Variants in LNX1 observed in about 807,000 individuals in gnomAD.
LNX1 encodes the protein ligand of numb-protein X 1.
In LNX1, 54 loss-of-function variants were observed where a neutral mutation model predicts 68.4. That is an observed-to-expected ratio of 0.79 (90% confidence interval 0.63 to 0.99). The LOEUF (loss-of-function observed/expected upper bound fraction) is 0.99. Ranked by LOEUF, LNX1 falls within the 50% of genes least tolerant of loss-of-function variation. The pLI is 0.00. For synonymous variants in LNX1, 336 were observed against 350.0 expected (o/e 0.96, Z 0.45); for missense variants, 906 against 926.4 (o/e 0.98, Z 0.29).
chr4:53,489,870 C>G (rs1724561821), intron 6 of LNX1, among the ~76,000 whole-genome samples: 1 of 151,986 alleles, frequency 6.6e-6, no homozygotes, highest in Non-Finnish European at 1.5e-5. Flanking sequence ...GGATTTAATT[C>G]CAGATTAAGT....
intron 2 of LNX1, among the ~76,000 whole-genome samples, chr4:53,572,104 TC>T (rs1229123489): frequency 6.6e-6 from 1 of 152,152 alleles, no homozygotes; most frequent in East Asian, 1.9e-4. Flanking sequence ...ATGCCCCTCA[TC>T]CCCTTGCCCA....
chr4:53,575,809 G>A, intron 1 of LNX1: 1 of 1,585,060 alleles, frequency 6.3e-7, no homozygotes, highest in Non-Finnish European at 8.6e-7. Flanking sequence ...TCCTCCAGAG[G>A]TGGCAGCAAT....
intron 7 of LNX1, among the ~76,000 whole-genome samples, chr4:53,480,573 C>T (rs978732578): frequency 2.6e-5 from 4 of 152,150 alleles, no homozygotes; most frequent in Admixed American, 6.5e-5. Flanking sequence ...AAAGACATCA[C>T]GGAGTCCTTA....
At chr4:53,599,617 T>C (rs550248853) in intron 2 of LNX1, among the ~76,000 whole-genome samples, 1 of 152,290 alleles carries the variant, frequency 6.6e-6, no homozygotes, top group African/African-American at 2.4e-5. Context: ...GAACCCTCTC[T>C]TGGGGTCTGG....
chr4:53,531,006 A>G (rs1727979949), intron 2 of LNX1, among the ~76,000 whole-genome samples: 1 of 152,168 alleles, frequency 6.6e-6, no homozygotes. Context: ...CTCCACAAAA[A>G]ATACAAAAAA....
intron 2 of LNX1, among the ~76,000 whole-genome samples, chr4:53,615,558 C>A (rs1302327666): frequency 6.6e-6 from 1 of 152,180 alleles, no homozygotes; most frequent in Non-Finnish European, 1.5e-5. Context: ...CAATTCTGTA[C>A]ATTCTAGCTA....
Position 53,497,267 on chromosome 4 carries a change from A to G in LNX1, c.979-873T>C, listed in dbSNP as rs535829622. On this transcript the variant is annotated intron_variant, in intron 5 of 10. Coordinates refer to ENST00000263925, the MANE Select transcript of LNX1 (RefSeq NM_001126328.3). The stretch of plus-strand genomic sequence containing the variant: ...CCAGAGCCCCCTATGTTGGAAGAAA[A>G]CAATTTCGCAGCAATTGCTGCACTC... Among the ~76,000 whole-genome samples the G allele has an allele frequency of 1.9e-4, 29 of 152,308 alleles. No individual in the cohort carries two copies. In the East Asian group the frequency reaches 5.2e-3, roughly 27 times the overall value.
intron 9 of LNX1, among the ~76,000 whole-genome samples, chr4:53,463,383 T>C (rs1419392145): frequency 6.6e-6 from 1 of 151,582 alleles, no homozygotes; most frequent in African/African-American, 2.4e-5. Context: ...ACGCCTTCTT[T>C]TAGTGGTGTT....
intron 1 of LNX1, among the ~76,000 whole-genome samples, chr4:53,642,353 A>G (rs1415229590): frequency 6.6e-6 from 1 of 152,138 alleles, no homozygotes; most frequent in African/African-American, 2.4e-5. Flanking sequence ...TTTAAAATGT[A>G]TACATGCTTT....
At chr4:53,607,737 A>G (rs1577789468) in intron 2 of LNX1, among the ~76,000 whole-genome samples, 1 of 152,170 alleles carries the variant, frequency 6.6e-6, no homozygotes, top group Admixed American at 6.5e-5. Context: ...ACAAGGCCAT[A>G]ATAGCCAAAC....
chr4:53,650,168 T>C (rs571916900), intron 1 of LNX1, among the ~76,000 whole-genome samples: 1 of 152,234 alleles, frequency 6.6e-6, no homozygotes, highest in South Asian at 2.1e-4. Flanking sequence ...GACAGCTTTG[T>C]CCCCCATCAA....
At chr4:53,651,354 C>T (rs894415764) in intron 1 of LNX1, among the ~76,000 whole-genome samples, 14 of 152,330 alleles carry the variant, frequency 9.2e-5, no homozygotes, top group African/African-American at 2.9e-4. Context: ...CACGCCCTGA[C>T]ACATGACCAG....
At chr4:53,591,067 T>A (rs1234162013) in intron 1 of LNX1, among the ~76,000 whole-genome samples, 1 of 152,212 alleles carries the variant, frequency 6.6e-6, no homozygotes, top group South Asian at 2.1e-4. Context: ...GCGCTAAGTT[T>A]CAAAACAAAA....
chr4:53,572,719 G>A (rs957886401), intron 2 of LNX1, among the ~76,000 whole-genome samples: 1 of 152,168 alleles, frequency 6.6e-6, no homozygotes, highest in Non-Finnish European at 1.5e-5. Context: ...ATGAGAGGCA[G>A]CCAGATGGAA....
At chr4:53,564,771 A>C (rs1280428319) in intron 2 of LNX1, among the ~76,000 whole-genome samples, 3 of 152,096 alleles carry the variant, frequency 2.0e-5, no homozygotes, top group African/African-American at 7.2e-5. Context: ...CAGTGGGCGC[A>C]GGTCAGTGGG....
In LNX1 at chr4:53,537,047, C is replaced by T. The variant is rs569221191; in HGVS notation, c.381-28820G>A. Among the ~76,000 whole-genome samples, 9 of 152,186 alleles carry T rather than the reference C, an allele frequency of 5.9e-5. No homozygotes were observed. The South Asian group carries it at 1.9e-3, about 32-fold the overall frequency. ...TTTATAACGTGAGCCACTAGGCATG[C>T]CATTAGGTGAAAAGACTCACCTCTA... is the stretch of plus-strand genomic sequence containing the variant. On this transcript the variant is annotated intron_variant, in intron 2 of 10. Transcript: ENST00000263925.
chr4:53,576,998 C>A (rs1731533338), intron 1 of LNX1, among the ~76,000 whole-genome samples: 1 of 152,194 alleles, frequency 6.6e-6, no homozygotes, highest in Non-Finnish European at 1.5e-5. Flanking sequence ...AATATAAAAA[C>A]ATTTAGAAAT....
At chr4:53,493,199 C>A (rs967514961) in intron 6 of LNX1, among the ~76,000 whole-genome samples, 18 of 152,100 alleles carry the variant, frequency 1.2e-4, no homozygotes, top group African/African-American at 4.1e-4. Context: ...GAACTACTGA[C>A]CTCATGATCT....
At chr4:53,638,812 C>G (rs1734574012) in intron 1 of LNX1, among the ~76,000 whole-genome samples, 1 of 152,104 alleles carries the variant, frequency 6.6e-6, no homozygotes, top group East Asian at 1.9e-4. Flanking sequence ...GTCAGAATGG[C>G]TATTACTAAA....
Sources: allele counts gnomAD v4.1 joint callset (sites outside exome capture counted in the v4.1 genomes callset), GRCh38; gene constraint gnomAD v4.1.1; transcripts MANE v1.5; gene names NCBI Gene and HGNC (gene_info 2026-07-23, HGNC 2026-07-21).